Variants in MAST4 observed in about 807,000 individuals in gnomAD.
The protein encoded by MAST4 is microtubule associated serine/threonine kinase family member 4.
MAST4 carries 89 observed loss-of-function variants against 162.7 expected under a neutral mutation model. That is an observed-to-expected ratio of 0.55 (90% CI 0.46 to 0.65). The LOEUF is 0.65. MAST4 is among the 30% of genes least tolerant of loss of function. The probability of loss-of-function intolerance (pLI) is 0.00; values close to 1 mark genes in which losing one functional copy is unlikely to be tolerated. For missense variants in MAST4, 3,153 were observed against 3,374.0 expected (o/e 0.93, Z 1.62); for synonymous variants, 1,479 against 1,361.1 (o/e 1.09, Z -1.91).
chr5:66,737,522 T>C (rs1268514045), intron 1 of MAST4, among the ~76,000 whole-genome samples: 1 of 152,194 alleles, frequency 6.6e-6, no homozygotes, highest in Non-Finnish European at 1.5e-5. Flanking sequence ...TGTCTGCCTA[T>C]TATAAGATCA....
chr5:66,835,739 A>G (rs544327731), intron 3 of MAST4, among the ~76,000 whole-genome samples: 39 of 152,216 alleles, frequency 2.6e-4, no homozygotes, highest in Admixed American at 1.8e-3. Flanking sequence ...AATTATATGT[A>G]ACCATAGAGC....
At chr5:66,981,501 G>A (rs1182275075) in intron 4 of MAST4, among the ~76,000 whole-genome samples, 2 of 152,296 alleles carry the variant, frequency 1.3e-5, no homozygotes, top group South Asian at 4.1e-4. Flanking sequence ...AAGGATGGGG[G>A]TGGGGATGGC....
At chr5:67,112,429 G>A (rs1006429925) in intron 11 of MAST4, among the ~76,000 whole-genome samples, 1 of 152,168 alleles carries the variant, frequency 6.6e-6, no homozygotes, top group African/African-American at 2.4e-5. Context: ...CACAGGTTGA[G>A]GGGTCAATTC....
chr5:66,883,110 A>G (rs1561411647), intron 3 of MAST4, among the ~76,000 whole-genome samples: 1 of 152,208 alleles, frequency 6.6e-6, no homozygotes, highest in African/African-American at 2.4e-5. Flanking sequence ...AAATGGGCAA[A>G]CTCTTCAAAG....
At chr5:66,740,113 G>A (rs1752400959) in intron 1 of MAST4, among the ~76,000 whole-genome samples, 1 of 151,584 alleles carries the variant, frequency 6.6e-6, no homozygotes, top group Non-Finnish European at 1.5e-5. Flanking sequence ...GGTGGCTGCT[G>A]GAGGACTCAT....
At chr5:66,604,672 T>G (rs1056344839) in intron 1 of MAST4, among the ~76,000 whole-genome samples, 4 of 152,244 alleles carry the variant, frequency 2.6e-5, no homozygotes, top group African/African-American at 9.6e-5. Flanking sequence ...CTCCTTTTTT[T>G]GATAAGCTGA....
chr5:67,065,392 T>C (rs1760112102), intron 5 of MAST4, among the ~76,000 whole-genome samples: 2 of 152,208 alleles, frequency 1.3e-5, no homozygotes, highest in Admixed American at 1.3e-4. Flanking sequence ...GAATTTGAGT[T>C]AGAAATCCTC....
intron 3 of MAST4, among the ~76,000 whole-genome samples, chr5:66,894,123 T>C (rs1359978607): frequency 1.3e-5 from 2 of 152,182 alleles, no homozygotes; most frequent in Admixed American, 1.3e-4. Context: ...ACCTCTGTAA[T>C]GACAGCCTAG....
chr5:66,737,404 A>G (rs114724143), intron 1 of MAST4, among the ~76,000 whole-genome samples: 1,868 of 152,276 alleles, frequency 0.012, 34 homozygotes, highest in African/African-American at 0.042. Flanking sequence ...CTCAGAAATC[A>G]CACACCAGTA....
At chr5:67,133,844 T>C (rs1185964930) in intron 17 of MAST4, among the ~76,000 whole-genome samples, 198 bp downstream of exon 17, 1 of 152,070 alleles carries the variant, frequency 6.6e-6, no homozygotes, top group Non-Finnish European at 1.5e-5. Context: ...CCCTCTACAT[T>C]CCTCCCCCAA....
At chr5:67,007,899 C>G (rs982266221) in intron 4 of MAST4, among the ~76,000 whole-genome samples, 1 of 152,200 alleles carries the variant, frequency 6.6e-6, no homozygotes, top group South Asian at 2.1e-4. Context: ...CAGACATACT[C>G]TCAGGCCTAG....
chr5:67,110,141 A>G lies in MAST4; in HGVS notation c.1400A>G (p.Gln467Arg). 6.2e-7 allele frequency: 1 copy of G among 1,613,818 alleles called. No homozygotes were observed. Among genetic ancestry groups the G allele is most frequent in the Non-Finnish European group, 8.5e-7 (1 of 1,179,736 alleles). The change falls in exon 11 of 29, where the codon CAA (glutamine) becomes CGA (arginine). Residue 467 changes from glutamine (Q) to arginine (R), a missense_variant. Gln to Arg is a conservative substitution (Grantham distance 43). Around this residue, in one of 7 missense-constraint regions of MAST4, gnomAD observed 360 missense variants for 450.0 expected, o/e 0.80. Transcript: ENST00000403625. ...SESGELAFIK[Q>R]LVRKILIVIA... ...AGTGGAGAATTGGCATTTATTAAAC[A>G]ACTAGTTCGAAAGATCCTAATTGTT...
intron 1 of MAST4, among the ~76,000 whole-genome samples, chr5:66,612,051 C>T (rs12173252): frequency 0.073 from 11,115 of 152,168 alleles, 568 homozygotes; most frequent in East Asian, 0.28. Context: ...TTAGGATGCC[C>T]TAGAAAATGA....
At chr5:66,774,821 A>T (rs1477790678) in intron 2 of MAST4, among the ~76,000 whole-genome samples, 2 of 152,184 alleles carry the variant, frequency 1.3e-5, no homozygotes, top group Non-Finnish European at 2.9e-5. Context: ...TTGAATTTAA[A>T]TGTAGGTATG....
chr5:67,049,045 G>GTA lies in MAST4; in HGVS notation c.675-5346_675-5345dup, dbSNP rs1376142250. On this transcript the variant is annotated intron_variant, in intron 4 of 28. Coordinates refer to ENST00000403625, the MANE Select transcript of MAST4 (RefSeq NM_001164664.2). ...TACGTATATATATATATATATACGTGTATATATATATATACGTATATATAT... is the reference window on the plus strand; with the variant it reads ...TACGTATATATATATATATATACGTGTATATATATATATATACGTATATATAT... 1.2e-3 allele frequency among the ~76,000 whole-genome samples: 119 copies of GTA among 100,528 alleles called. 2 individuals carry two copies. The highest frequency in any genetic ancestry group is 2.8e-3 in the Admixed American group (27 of 9,554). The allele number at this position is 100,528 out of a possible 152,430, so 66.0% of individuals were successfully genotyped here. A position where few individuals can be genotyped will look rare whatever the true frequency, so the allele number is the denominator to read the frequency against.
chr5:66,926,302 C>G (rs945711218), intron 4 of MAST4, among the ~76,000 whole-genome samples: 6 of 152,144 alleles, frequency 3.9e-5, no homozygotes, highest in African/African-American at 1.4e-4. Flanking sequence ...AATCCCAGCA[C>G]TTTGGGAGGC....
intron 1 of MAST4, among the ~76,000 whole-genome samples, chr5:66,618,996 C>T (rs796370056): frequency 3.3e-5 from 5 of 152,088 alleles, no homozygotes; most frequent in East Asian, 1.9e-4. Context: ...TTCTTGGCAA[C>T]GCACTAAATG....
intron 3 of MAST4, among the ~76,000 whole-genome samples, chr5:66,877,404 G>T (rs918405515): frequency 1.3e-5 from 2 of 152,218 alleles, no homozygotes; most frequent in Non-Finnish European, 2.9e-5. Flanking sequence ...TTAGCACCAT[G>T]TTGCAGATGA....
chr5:66,931,650 G>C (rs979421302), intron 4 of MAST4, among the ~76,000 whole-genome samples: 1 of 152,092 alleles, frequency 6.6e-6, no homozygotes, highest in African/African-American at 2.4e-5. Flanking sequence ...TAGAAAGTTT[G>C]GAAATGGTGT....
Sources: allele counts gnomAD v4.1 joint callset (sites outside exome capture counted in the v4.1 genomes callset), GRCh38; gene constraint gnomAD v4.1.1; regional missense constraint gnomAD v4.1.1; transcripts MANE v1.5; gene names NCBI Gene and HGNC (gene_info 2026-07-23, HGNC 2026-07-21).